The following CTNNA2 variants were observed in gnomAD, a reference collection of about 807,000 sequenced individuals.
The protein encoded by CTNNA2 is catenin alpha-2.
In CTNNA2, 42 loss-of-function variants were observed where a neutral mutation model predicts 101.0. The ratio of observed to expected loss-of-function variants is 0.42; its 90% CI spans 0.32 to 0.54. The LOEUF (loss-of-function observed/expected upper bound fraction) is 0.54, where lower values mean the gene tolerates loss of function less well. Ranked by LOEUF, CTNNA2 falls within the 20% of genes least tolerant of loss-of-function variation. The probability of loss-of-function intolerance (pLI) is 0.14; values close to 1 mark genes in which losing one functional copy is unlikely to be tolerated. For missense variants in CTNNA2, 871 were observed against 1,223.1 expected (o/e 0.71, Z 4.29); for synonymous variants, 450 against 456.4 (o/e 0.99, Z 0.18).
chr2:79,604,331 T>C (rs1454061008), intron 1 of CTNNA2, among the ~76,000 whole-genome samples: 3 of 152,184 alleles, frequency 2.0e-5, no homozygotes, highest in Admixed American at 6.5e-5. Context: ...TCATGTTTTT[T>C]AAGGCAGTAG....
chr2:80,420,769 C>T, intron 9 of CTNNA2, among the ~76,000 whole-genome samples: 1 of 152,148 alleles, frequency 6.6e-6, no homozygotes, highest in East Asian at 1.9e-4. Flanking sequence ...AGTCCTACAT[C>T]AAGCCTCTGC....
chr2:80,086,985 A>G (rs1699478890), intron 7 of CTNNA2, among the ~76,000 whole-genome samples: 1 of 152,046 alleles, frequency 6.6e-6, no homozygotes, highest in Non-Finnish European at 1.5e-5. Context: ...AGGATTACTA[A>G]CAGAGCAGCT....
intron 7 of CTNNA2, among the ~76,000 whole-genome samples, chr2:80,342,022 T>C (rs564442434): frequency 6.6e-6 from 1 of 152,350 alleles, no homozygotes; most frequent in South Asian, 2.1e-4. Flanking sequence ...AAAGACTGTG[T>C]ATTGTACAAT....
chr2:79,541,678 G>T (rs1264307845), intron 1 of CTNNA2, among the ~76,000 whole-genome samples: 2 of 150,826 alleles, frequency 1.3e-5, no homozygotes, highest in African/African-American at 2.4e-5. Context: ...CCAGGCTGGA[G>T]TGCAGTGGCA....
intron 9 of CTNNA2, among the ~76,000 whole-genome samples, chr2:80,425,617 T>A (rs1353067892): frequency 6.6e-6 from 1 of 152,196 alleles, no homozygotes; most frequent in African/African-American, 2.4e-5. Flanking sequence ...TGTGAAATAA[T>A]CAATCTATGA....
chr2:79,561,054 C>T (rs1297343006), intron 1 of CTNNA2, among the ~76,000 whole-genome samples: 5 of 151,804 alleles, frequency 3.3e-5, no homozygotes, highest in African/African-American at 4.8e-5. Context: ...TCCTTACCCC[C>T]AAAAGAAACC....
chr2:79,673,599 C>G (rs1682989815), intron 2 of CTNNA2, among the ~76,000 whole-genome samples: 1 of 152,148 alleles, frequency 6.6e-6, no homozygotes, highest in Non-Finnish European at 1.5e-5. Flanking sequence ...CCTCTTTCAG[C>G]ATTTTTTGGC....
At chr2:80,327,796 C>T (rs1026826201) in intron 7 of CTNNA2, among the ~76,000 whole-genome samples, 2 of 152,318 alleles carry the variant, frequency 1.3e-5, no homozygotes, top group African/African-American at 4.8e-5. Context: ...GCTTTACTAT[C>T]TGCACCCCTG....
chr2:79,190,148 AATC>A (rs1673834198), intron 1 of CTNNA2, among the ~76,000 whole-genome samples: 1 of 152,156 alleles, frequency 6.6e-6, no homozygotes, highest in South Asian at 2.1e-4. Flanking sequence ...TAAAACCAAT[AATC>A]ATACTAATAA....
chr2:80,268,063 G>C (rs1288160701), intron 7 of CTNNA2, among the ~76,000 whole-genome samples: 1 of 152,246 alleles, frequency 6.6e-6, no homozygotes, highest in Non-Finnish European at 1.5e-5. Context: ...TGCAGGGGCT[G>C]TAAGCCCACA....
At chr2:79,510,987 T>C (rs960407947), upstream of CTNNA2, among the ~76,000 whole-genome samples, 2 of 152,218 alleles carry the variant, frequency 1.3e-5, no homozygotes, top group African/African-American at 4.8e-5. Context: ...CAAAAAACTA[T>C]ACATGAATCC....
At chr2:80,146,067 T>G (rs1399338292) in intron 7 of CTNNA2, among the ~76,000 whole-genome samples, 1 of 152,142 alleles carries the variant, frequency 6.6e-6, no homozygotes, top group Non-Finnish European at 1.5e-5. Flanking sequence ...TACTTTCTCT[T>G]GGAATATCAT....
chr2:80,215,276 C>T (rs1322380582), intron 7 of CTNNA2, among the ~76,000 whole-genome samples: 2 of 152,178 alleles, frequency 1.3e-5, no homozygotes, highest in Non-Finnish European at 2.9e-5. Flanking sequence ...TCGTCAAAGT[C>T]ATTCTTTATC....
At chr2:79,202,749 T>TTTGA (rs956311840) in intron 2 of CTNNA2, among the ~76,000 whole-genome samples, 2 of 151,984 alleles carry the variant, frequency 1.3e-5, no homozygotes, top group African/African-American at 4.8e-5. Flanking sequence ...TGTTTGTTTG[T>TTTGA]TTGTTTTGTC....
chr2:79,930,282 GAGAGAGAGAA>G (rs1687315051), intron 7 of CTNNA2, among the ~76,000 whole-genome samples: 3 of 84,672 alleles, frequency 3.5e-5, no homozygotes, highest in Admixed American at 1.4e-4. Flanking sequence ...AAGAAAGAGA[GAGAGAGAGAA>G]AGAGAAAGAA....
chr2:80,094,048 GC>G (rs2148825329), intron 7 of CTNNA2, among the ~76,000 whole-genome samples: 1 of 152,210 alleles, frequency 6.6e-6, no homozygotes, highest in East Asian at 1.9e-4. Flanking sequence ...TGTTGCCATT[GC>G]TTTTGGTGTT....
intron 7 of CTNNA2, among the ~76,000 whole-genome samples, chr2:79,948,469 T>C (rs1376134982): frequency 6.6e-6 from 1 of 152,244 alleles, no homozygotes; most frequent in African/African-American, 2.4e-5. Context: ...ACCTCGTAGT[T>C]GTGATAATTA....
rs996891894 is a variant in CTNNA2, at chr2:80,196,241, G to A, written c.1057-196970G>A. On this transcript the variant is annotated intron_variant, in intron 7 of 18. Coordinates refer to ENST00000402739, the MANE Select transcript of CTNNA2 (RefSeq NM_001282597.3). ...TGCCTGGGGACAGCTAGGTCCTAAG[G>A]TTGGGTCTCATAGCTTTCATCTGTT... Among the ~76,000 whole-genome samples, 11 of 152,218 alleles carry A rather than the reference G, an allele frequency of 7.2e-5. No homozygotes were observed. The East Asian group carries it at 2.1e-3, about 29-fold the overall frequency.
At chr2:79,695,592 T>A (rs1684604505) in intron 2 of CTNNA2, among the ~76,000 whole-genome samples, 1 of 151,732 alleles carries the variant, frequency 6.6e-6, no homozygotes, top group Non-Finnish European at 1.5e-5. Flanking sequence ...GAGAGTGGAG[T>A]TTTCAGCCCT....
Sources: gnomAD v4.1 joint callset for allele counts (sites outside exome capture counted in the v4.1 genomes callset) on GRCh38, gnomAD v4.1.1 for gene constraint, MANE v1.5 for transcripts, NCBI Gene and HGNC (gene_info 2026-07-23, HGNC 2026-07-21) for gene names.